The following SLC2A12 variants were observed in gnomAD, a reference collection of about 807,000 sequenced individuals.
SLC2A12 encodes the protein solute carrier family 2, facilitated glucose transporter member 12.
A neutral mutation model predicts 41.8 loss-of-function variants in SLC2A12; 23 were observed. The observed-to-expected ratio is 0.55, with a 90% CI of 0.40 to 0.78. The LOEUF (loss-of-function observed/expected upper bound fraction) is 0.78, where lower values mean the gene tolerates loss of function less well. Among genes scored for constraint, SLC2A12 ranks in the 30% least tolerant of loss-of-function variants. The pLI is 0.00. For synonymous variants in SLC2A12, 295 were observed against 285.9 expected (o/e 1.03, Z -0.32); for missense variants, 654 against 745.6 (o/e 0.88, Z 1.43).
intron 3 of SLC2A12, among the ~76,000 whole-genome samples, chr6:134,003,454 A>T (rs182236425): frequency 6.6e-6 from 1 of 152,330 alleles, no homozygotes; most frequent in Non-Finnish European, 1.5e-5. Flanking sequence ...TCACCATTTC[A>T]CGAAGCCTCT....
intron 2 of SLC2A12, among the ~76,000 whole-genome samples, chr6:134,014,843 T>A (rs1432572359): frequency 6.6e-6 from 1 of 152,258 alleles, no homozygotes; most frequent in Non-Finnish European, 1.5e-5. Context: ...GGTGTCATTT[T>A]GCTGTACTTC....
At chr6:134,006,214 A>G (rs1776814860) in intron 3 of SLC2A12, among the ~76,000 whole-genome samples, 1 of 150,902 alleles carries the variant, frequency 6.6e-6, no homozygotes, top group South Asian at 2.1e-4. Context: ...ACAGAGAAAC[A>G]GAGAGGGGCA....
rs1000271008 is a variant in SLC2A12, at chr6:134,014,917, A to G, written c.1445-7983T>C. On this transcript the variant is annotated intron_variant, in intron 2 of 4. Coordinates refer to ENST00000275230, the MANE Select transcript of SLC2A12 (RefSeq NM_145176.3). ...TAGTTCTATTAGATACTGCTGCTGC[A>G]TCATCTAACTCCGAGGGGAAAACAG... Among the ~76,000 whole-genome samples, 7 of 152,382 alleles carry G rather than the reference A, an allele frequency of 4.6e-5. No homozygotes were observed. In the East Asian group the frequency reaches 5.8e-4, roughly 13 times the overall value.
intron 2 of SLC2A12, among the ~76,000 whole-genome samples, chr6:134,013,515 GT>G (rs1380780033): frequency 1.3e-5 from 2 of 151,880 alleles, no homozygotes; most frequent in African/African-American, 4.8e-5. Context: ...TGGATGGGGA[GT>G]TTTTTTCTTT....
In SLC2A12 at chr6:134,002,019, T is replaced by C. The variant is rs762626187; in HGVS notation, c.1678A>G (p.Ile560Val). The change falls in exon 4 of 5, where the codon ATA becomes GTA. Residue 560 changes from isoleucine (I) to valine (V), a missense_variant. Physicochemically the swap from Ile to Val is conservative, Grantham distance 29 (BLOSUM62 3). This residue lies in a region of SLC2A12 where 134 missense variants were observed against 180.5 expected (regional missense o/e 0.74). Transcript: ENST00000275230. ...PETKGCSLEQISMELAKVNYV... is the reference protein window; with the variant it reads ...PETKGCSLEQVSMELAKVNYV... ...TACACTTTTGCTAGCTCCATTGATA[T>C]TTGTTCCAAAGAGCATCCCTTTGTC... is the stretch of plus-strand genomic sequence containing the variant. The C allele has an allele frequency of 1.2e-5, 20 of 1,609,172 alleles. No homozygotes were observed. The highest frequency in any genetic ancestry group is 1.7e-5 in the Non-Finnish European group (20 of 1,178,462).
At chr6:134,029,786 G>C (rs1777176771) in intron 1 of SLC2A12, 65 bp from the exon 2 acceptor site, 1 of 1,514,890 alleles carries the variant, frequency 6.6e-7, no homozygotes, top group Admixed American at 2.1e-5. Context: ...TTTTGTATTT[G>C]AGCGGAGATT....
At chr6:134,005,659 TAAAAAAAAAAAAAAAAAAAAAA>T (rs56710009) in intron 3 of SLC2A12, among the ~76,000 whole-genome samples, 6 of 64,960 alleles carry the variant, frequency 9.2e-5, no homozygotes, top group South Asian at 6.6e-4. Flanking sequence ...GACTCTGTCT[TAAAAAAAAAAAAAAAAAAAAAA>T]AAAAAAAAAA....
rs1417204925 is a variant in SLC2A12 at position 133,990,611 on chromosome 6, C to G, written c.*544G>C. 6.6e-6 allele frequency: 1 copy of G among 152,086 alleles called. No individual in the cohort carries two copies. The highest frequency in any genetic ancestry group is 1.5e-5 in the Non-Finnish European group (1 of 68,036). The allele number at this position is 152,086 out of a possible 1,614,324, so 9.4% of individuals were successfully genotyped here. ...TAATCTTTATACTTGTTGAATGTAA[C>G]TAGGAATTACCACTAAAATCCTAGC... On this transcript the variant is annotated 3_prime_UTR_variant, in exon 5 of 5. Transcript: ENST00000275230.
chr6:134,003,705 G>C (rs941693977), intron 3 of SLC2A12, among the ~76,000 whole-genome samples: 1 of 152,122 alleles, frequency 6.6e-6, no homozygotes, highest in Non-Finnish European at 1.5e-5. Flanking sequence ...ATAGGTTACT[G>C]CCCTCGCCAT....
At chr6:134,051,314 T>C (rs1417271894) in intron 1 of SLC2A12, among the ~76,000 whole-genome samples, 3 of 152,140 alleles carry the variant, frequency 2.0e-5, no homozygotes, top group African/African-American at 7.2e-5. Context: ...GGCCGCTTCA[T>C]GCCTCGATGT....
At chr6:134,026,233 C>G (rs1363423195) in intron 2 of SLC2A12, among the ~76,000 whole-genome samples, 4 of 152,088 alleles carry the variant, frequency 2.6e-5, no homozygotes, top group African/African-American at 9.7e-5. Flanking sequence ...AAAGGAAATA[C>G]TTTTAGTTTT....
intron 1 of SLC2A12, among the ~76,000 whole-genome samples, chr6:134,046,636 T>TA (rs1359450128): frequency 8.6e-5 from 13 of 151,372 alleles, no homozygotes; most frequent in South Asian, 4.2e-4. Flanking sequence ...CCGTCTCTAC[T>TA]AAAAAAAAAT....
intron 1 of SLC2A12, among the ~76,000 whole-genome samples, chr6:134,038,252 A>G (rs932686498): frequency 6.6e-6 from 1 of 151,742 alleles, no homozygotes; most frequent in South Asian, 2.1e-4. Context: ...ATAAGAGGAG[A>G]CACTGTTTAA....
At chr6:133,996,154 T>A (rs968423671) in intron 4 of SLC2A12, among the ~76,000 whole-genome samples, 2 of 152,224 alleles carry the variant, frequency 1.3e-5, no homozygotes, top group African/African-American at 2.4e-5. Context: ...GATAAATATT[T>A]GTTGAATAAA....
chr6:134,021,685 A>T (rs1009208245), intron 2 of SLC2A12, among the ~76,000 whole-genome samples: 1 of 152,234 alleles, frequency 6.6e-6, no homozygotes, highest in African/African-American at 2.4e-5. Flanking sequence ...ACCACCAGTA[A>T]GTAGAAGAGC....
chr6:134,043,804 AAAAAG>A (rs1777418546), intron 1 of SLC2A12, among the ~76,000 whole-genome samples: 1 of 151,832 alleles, frequency 6.6e-6, no homozygotes, highest in African/African-American at 2.4e-5. Context: ...AAAAAAAAAA[AAAAAG>A]AAAAGAAATT....
intron 3 of SLC2A12, among the ~76,000 whole-genome samples, chr6:134,005,835 G>A (rs1025369338): frequency 1.3e-5 from 2 of 151,862 alleles, no homozygotes; most frequent in African/African-American, 4.8e-5. Context: ...TTCTCCTCAA[G>A]CCTCTATCTA....
intron 3 of SLC2A12, among the ~76,000 whole-genome samples, chr6:134,005,168 A>C (rs1776796937): frequency 6.6e-6 from 1 of 152,186 alleles, no homozygotes; most frequent in Non-Finnish European, 1.5e-5. Context: ...GGGTTATTTT[A>C]TTATAATATA....
chr6:134,029,457 A>G lies in SLC2A12; in HGVS notation c.368T>C (p.Val123Ala), dbSNP rs760401752. ...SSCLLGLGSL[V>A]LILSLSYTVL... ...CGTGTAGGATAAACTGAGGATCAAG[A>G]CTAAGCTTCCGAGTCCAAGCAGGCA... Residue 123 changes from valine (V) to alanine (A), a missense_variant, in exon 2 of 5, where the codon GTC becomes GCC. Transcript: ENST00000275230. 3 of 1,614,148 alleles carry G rather than the reference A, an allele frequency of 1.9e-6. No homozygotes were observed. Among genetic ancestry groups the G allele is most frequent in the Non-Finnish European group, 1.7e-6 (2 of 1,180,034 alleles).
Sources: allele counts gnomAD v4.1 joint callset (sites outside exome capture counted in the v4.1 genomes callset), GRCh38; gene constraint gnomAD v4.1.1; regional missense constraint gnomAD v4.1.1; transcripts MANE v1.5; gene names NCBI Gene and HGNC (gene_info 2026-07-23, HGNC 2026-07-21).